Variants in ADARB2 observed in about 807,000 individuals in gnomAD.
ADARB2 encodes adenosine deaminase RNA specific B2 (inactive), also known as inactive double-stranded RNA-specific editase B2.
A neutral mutation model predicts 62.2 loss-of-function variants in ADARB2; 25 were observed. The ratio of observed to expected loss-of-function variants is 0.40; its 90% confidence interval spans 0.29 to 0.56. ADARB2 has a LOEUF of 0.56. ADARB2 is among the 20% of genes least tolerant of loss of function. The pLI is 0.43. For missense variants in ADARB2, 1,071 were observed against 1,077.4 expected (o/e 0.99, Z 0.08); for synonymous variants, 572 against 500.8 (o/e 1.14, Z -1.90).
chr10:1,351,038 G>A (rs1832132043), intron 3 of ADARB2, among the ~76,000 whole-genome samples: 1 of 151,988 alleles, frequency 6.6e-6, no homozygotes, highest in African/African-American at 2.4e-5. Flanking sequence ...CCAGAAATCT[G>A]GCCACCGGGC....
intron 1 of ADARB2, among the ~76,000 whole-genome samples, chr10:1,450,898 G>T (rs1186110464): frequency 6.6e-6 from 1 of 152,318 alleles, no homozygotes; most frequent in East Asian, 1.9e-4. Flanking sequence ...ACTTTTGGGT[G>T]ACCCCACTGG....
intron 1 of ADARB2, among the ~76,000 whole-genome samples, chr10:1,665,054 C>T (rs757542926): frequency 1.3e-5 from 2 of 152,042 alleles, no homozygotes; most frequent in Non-Finnish European, 2.9e-5. Context: ...AAGGAGCCCC[C>T]GTATTTTGTC....
chr10:1,498,963 C>T (rs1175306349), intron 1 of ADARB2, among the ~76,000 whole-genome samples: 1 of 151,508 alleles, frequency 6.6e-6, no homozygotes, highest in South Asian at 2.1e-4. Flanking sequence ...TATTACTCAT[C>T]ATTCAGTGTT....
chr10:1,512,990 G>C (rs770530556), intron 1 of ADARB2, among the ~76,000 whole-genome samples: 2 of 152,204 alleles, frequency 1.3e-5, no homozygotes, highest in Non-Finnish European at 2.9e-5. Flanking sequence ...ACGATGTCTG[G>C]AGAGCGAACG....
intron 7 of ADARB2, among the ~76,000 whole-genome samples, chr10:1,209,055 C>T (rs529743492): frequency 5.5e-4 from 84 of 152,062 alleles, no homozygotes; most frequent in African/African-American, 1.8e-3. Flanking sequence ...CAGTGAGGGG[C>T]GTGTGGCTGC....
At chr10:1,277,080 C>G (rs868147141) in intron 3 of ADARB2, among the ~76,000 whole-genome samples, 11 of 152,100 alleles carry the variant, frequency 7.2e-5, no homozygotes, top group South Asian at 2.1e-4. Flanking sequence ...CACAACATAC[C>G]AGAATCTCTG....
chr10:1,343,424 G>A (rs1832050148), intron 3 of ADARB2, among the ~76,000 whole-genome samples: 1 of 152,226 alleles, frequency 6.6e-6, no homozygotes, highest in Admixed American at 6.5e-5. Flanking sequence ...TGAGCTAGTG[G>A]GAATGTAGAT....
chr10:1,589,344 T>C lies in ADARB2; in HGVS notation c.100+147707A>G, dbSNP rs77461074. Among the ~76,000 whole-genome samples the C allele has an allele frequency of 1.8e-3, 272 of 152,070 alleles. 5 individuals carry two copies. In the East Asian group the frequency reaches 0.05, roughly 28 times the overall value. On this transcript the variant is annotated intron_variant, in intron 1 of 9. Coordinates refer to ENST00000381312, the MANE Select transcript of ADARB2 (RefSeq NM_018702.4). Reference sequence around the variant, plus strand: ...GCATCCATGGTCGGGGCATCCACGATCAGGGCATCCATGGTAGGGTGTCCA... The same window carrying C: ...GCATCCATGGTCGGGGCATCCACGACCAGGGCATCCATGGTAGGGTGTCCA...
chr10:1,213,668 A>G (rs969241561), intron 7 of ADARB2, among the ~76,000 whole-genome samples: 1 of 152,190 alleles, frequency 6.6e-6, no homozygotes, highest in Non-Finnish European at 1.5e-5. Flanking sequence ...GGGTGTGACA[A>G]TTTCCACAAA....
chr10:1,714,932 A>T (rs1834998661), intron 1 of ADARB2, among the ~76,000 whole-genome samples: 1 of 152,058 alleles, frequency 6.6e-6, no homozygotes, highest in African/African-American at 2.4e-5. Context: ...TACATGTGCC[A>T]TGTTGGTGTG....
At chr10:1,482,153 C>T (rs1020226668) in intron 1 of ADARB2, among the ~76,000 whole-genome samples, 4 of 152,182 alleles carry the variant, frequency 2.6e-5, no homozygotes, top group East Asian at 1.9e-4. Flanking sequence ...GTGAATATAA[C>T]GTGGTGCAGC....
chr10:1,546,815 G>T (rs1196479272), intron 1 of ADARB2, among the ~76,000 whole-genome samples: 2 of 152,202 alleles, frequency 1.3e-5, no homozygotes, highest in Non-Finnish European at 2.9e-5. Flanking sequence ...CCTGACAAAC[G>T]ACTCCCTGCA....
chr10:1,733,641 A>G lies in ADARB2; in HGVS notation c.100+3410T>C, dbSNP rs1028952618. Reference sequence around the variant, plus strand: ...CCTGGTTGAACGGATATTAACAAAAAAAACCCTTTTTCTTTATTATTTTTT... The same window carrying G: ...CCTGGTTGAACGGATATTAACAAAAGAAACCCTTTTTCTTTATTATTTTTT... On this transcript the variant is annotated intron_variant, in intron 1 of 9. Coordinates refer to ENST00000381312, the MANE Select transcript of ADARB2 (RefSeq NM_018702.4). 1.7e-4 allele frequency among the ~76,000 whole-genome samples: 26 copies of G among 152,360 alleles called. No homozygotes were observed. The East Asian group carries it at 3.9e-3, about 23-fold the overall frequency.
intron 1 of ADARB2, among the ~76,000 whole-genome samples, chr10:1,401,353 C>A (rs1832660263): frequency 6.6e-6 from 1 of 152,216 alleles, no homozygotes; most frequent in Admixed American, 6.5e-5. Context: ...AACACCCCGG[C>A]CTTCGGTCAT....
rs566806227 is a variant in ADARB2 at position 1,324,525 on chromosome 10, G to A, written c.1077+38503C>T. Among the ~76,000 whole-genome samples, 4 of 152,336 alleles carry A rather than the reference G, an allele frequency of 2.6e-5. No individual in the cohort carries two copies. The East Asian group carries it at 7.7e-4, about 29-fold the overall frequency. ...GGTTAATGCTTAGACGAATTGCAAT[G>A]TGGCTTATTGTGGAATACTACTCAG... On this transcript the variant is annotated intron_variant, in intron 3 of 9. Coordinates refer to ENST00000381312, the MANE Select transcript of ADARB2 (RefSeq NM_018702.4).
At chr10:1,547,832 G>T (rs1832549357) in intron 1 of ADARB2, among the ~76,000 whole-genome samples, 1 of 151,612 alleles carries the variant, frequency 6.6e-6, no homozygotes, top group South Asian at 2.1e-4. Context: ...GTGGGGAGGG[G>T]GAGATAGGCA....
chr10:1,713,383 C>T (rs1038515638), intron 1 of ADARB2, among the ~76,000 whole-genome samples: 1 of 152,152 alleles, frequency 6.6e-6, no homozygotes, highest in Non-Finnish European at 1.5e-5. Flanking sequence ...AACATTAATC[C>T]GGGCAGTGCT....
intron 1 of ADARB2, among the ~76,000 whole-genome samples, chr10:1,465,134 C>T (rs560961926): frequency 8.5e-5 from 13 of 152,296 alleles, no homozygotes; most frequent in South Asian, 2.1e-4. Context: ...CGGGCTCAGG[C>T]GACTGAGGAC....
intron 1 of ADARB2, among the ~76,000 whole-genome samples, chr10:1,557,662 G>A (rs1832724611): frequency 6.6e-6 from 1 of 152,128 alleles, no homozygotes; most frequent in Admixed American, 6.5e-5. Context: ...CCAGCACTTT[G>A]GGAGACCCAG....
Sources: allele counts gnomAD v4.1 joint callset (sites outside exome capture counted in the v4.1 genomes callset), GRCh38; gene constraint gnomAD v4.1.1; transcripts MANE v1.5; gene names NCBI Gene and HGNC (gene_info 2026-07-23, HGNC 2026-07-21).